DNAH9: variants seen among roughly 807,000 people sequenced by gnomAD.
The protein encoded by DNAH9 is dynein axonemal heavy chain 9.
DNAH9 carries 345 observed loss-of-function variants against 471.6 expected under a neutral mutation model. That is an observed-to-expected ratio of 0.73 (90% CI 0.67 to 0.80). The LOEUF is 0.80. DNAH9 is among the 30% of genes least tolerant of loss of function. The pLI, the probability that DNAH9 is intolerant of heterozygous loss-of-function variation, is 0.00. For missense variants in DNAH9, 5,407 were observed against 5,609.2 expected, an observed-to-expected ratio of 0.96 and a Z score of 1.15; for synonymous variants, 2,093 against 2,123.6, an observed-to-expected ratio of 0.99 and a Z score of 0.40.
chr17:11,888,330 A>C (rs752830503), intron 57 of DNAH9, among the ~76,000 whole-genome samples: 6 of 152,156 alleles, frequency 3.9e-5, no homozygotes, highest in Admixed American at 1.3e-4. Flanking sequence ...CCTCATATTT[A>C]GTTTAAGGCA....
intron 52 of DNAH9, among the ~76,000 whole-genome samples, chr17:11,874,244 CAAA>C (rs770328921): frequency 2.8e-5 from 3 of 106,444 alleles, no homozygotes; most frequent in Admixed American, 2.1e-4. Context: ...GATTCCATCT[CAAA>C]AAAAAAAAAA....
At chr17:11,813,134 A>T (rs774718347) in intron 45 of DNAH9, among the ~76,000 whole-genome samples, 71 of 151,948 alleles carry the variant, frequency 4.7e-4, no homozygotes, top group Non-Finnish European at 6.8e-4. Flanking sequence ...CTTTTTTTCA[A>T]GTGCAAACGA....
intron 42 of DNAH9, among the ~76,000 whole-genome samples, chr17:11,794,669 C>T (rs1266586938): frequency 1.3e-5 from 2 of 152,186 alleles, no homozygotes; most frequent in African/African-American, 4.8e-5. Flanking sequence ...CACAACCCAG[C>T]TGGGGTCTGA....
Position 11,874,944 on chromosome 17 carries a change from A to G in DNAH9, c.10243-5A>G, listed in dbSNP as rs1054083943. The G allele has an allele frequency of 6.2e-7, 1 of 1,609,360 alleles. No individual in the cohort carries two copies. Among genetic ancestry groups the G allele is most frequent in the Non-Finnish European group, 8.5e-7 (1 of 1,176,052 alleles). ...GAGCGTGGGGTGGTGTTTCTTCTTC[A>G]CCAGACTCCCATTCCAGTCACCCCA... On this transcript the variant is annotated splice_region_variant and splice_polypyrimidine_tract_variant and intron_variant, in intron 52 of 68. Transcript: ENST00000262442.
chr17:11,694,482 A>C, intron 22 of DNAH9, 35 bp downstream of exon 22: 1 of 1,612,312 alleles, frequency 6.2e-7, no homozygotes, highest in Non-Finnish European at 8.5e-7. Context: ...AAGGTCTAGG[A>C]GGGCTGAGGG....
At chr17:11,767,631 A>G (rs1335546785) in intron 36 of DNAH9, among the ~76,000 whole-genome samples, 1 of 151,706 alleles carries the variant, frequency 6.6e-6, no homozygotes, top group Non-Finnish European at 1.5e-5. Flanking sequence ...TTCTTAGTTC[A>G]GTGTGTTTAA....
At chr17:11,879,356 CTCT>C (rs1332450242) in intron 53 of DNAH9, among the ~76,000 whole-genome samples, 1 of 152,016 alleles carries the variant, frequency 6.6e-6, no homozygotes, top group Non-Finnish European at 1.5e-5. Context: ...TGACTCCCTC[CTCT>C]TCTTCTTTAT....
chr17:11,843,890 T>TATAC (rs1389217941), intron 49 of DNAH9, among the ~76,000 whole-genome samples: 4 of 127,230 alleles, frequency 3.1e-5, no homozygotes, highest in African/African-American at 9.3e-5. Flanking sequence ...TATATATATA[T>TATAC]ACACATAGAG....
At chr17:11,952,347 C>G (rs1975411944) in intron 67 of DNAH9, among the ~76,000 whole-genome samples, 1 of 120,550 alleles carries the variant, frequency 8.3e-6, no homozygotes, top group Non-Finnish European at 1.6e-5. Flanking sequence ...TGGTAGATAC[C>G]AGGCCTCACT....
At chr17:11,699,632 T>C in intron 22 of DNAH9, 99 bp from the exon 23 acceptor site, 1 of 1,059,668 alleles carries the variant, frequency 9.4e-7, no homozygotes, top group Non-Finnish European at 1.4e-6. Flanking sequence ...CACCACTCTG[T>C]CTTTCACAAT....
At chr17:11,953,025 G>A (rs1032912618) in intron 67 of DNAH9, among the ~76,000 whole-genome samples, 1 of 152,168 alleles carries the variant, frequency 6.6e-6, no homozygotes, top group African/African-American at 2.4e-5. Context: ...GAGACTGAGA[G>A]ATTTCTTCCT....
At chr17:11,814,874 C>A (rs1288019212) in intron 45 of DNAH9, among the ~76,000 whole-genome samples, 1 of 152,130 alleles carries the variant, frequency 6.6e-6, no homozygotes, top group African/African-American at 2.4e-5. Context: ...GGATTGTTCT[C>A]CTCTGGTGGC....
chr17:11,923,734 G>A (rs1567553857), intron 61 of DNAH9, 80 bp from the exon 62 acceptor site: 3 of 1,558,846 alleles, frequency 1.9e-6, no homozygotes, highest in South Asian at 1.2e-5. Context: ...GGTGATCTGA[G>A]CGTGTGCATT....
chr17:11,839,372 C>T lies in DNAH9; in HGVS notation c.9507+4474C>T, dbSNP rs555432107. ...TCTACTAAAAATACAAAAAATTAGC[C>T]GGGCACGGTGGCAGGCGCCTGTAGT... On this transcript the variant is annotated intron_variant, in intron 49 of 68. Coordinates refer to ENST00000262442, the MANE Select transcript of DNAH9 (RefSeq NM_001372.4). Among the ~76,000 whole-genome samples, 16 of 151,698 alleles carry T rather than the reference C, an allele frequency of 1.1e-4. No individual in the cohort carries two copies. In the East Asian group the frequency reaches 2.1e-3, roughly 20 times the overall value.
rs201432462 is a variant in DNAH9 at position 11,694,601 on chromosome 17, GCTTT to G, written c.4872+158_4872+161del. Reference sequence around the variant, plus strand: ...CCCCAGCATCATCACATACCTCGGAGCTTTCTTGCTTTCTTGCTTTCTTGCTTTC... The same window carrying G: ...CCCCAGCATCATCACATACCTCGGAGCTTGCTTTCTTGCTTTCTTGCTTTC... On this transcript the variant is annotated intron_variant, in intron 22 of 68. Coordinates refer to ENST00000262442, the MANE Select transcript of DNAH9 (RefSeq NM_001372.4). Among the ~76,000 whole-genome samples, 360 of 29,526 alleles carry G rather than the reference GCTTT, an allele frequency of 0.012. 112 individuals are homozygous for G. The East Asian group carries it at 0.14, about 12-fold the overall frequency. 19.4% of individuals were successfully genotyped at this position (29,526 alleles called of 152,430 possible).
intron 32 of DNAH9, 152 bp downstream of exon 32, chr17:11,747,918 A>C: frequency 1.4e-6 from 1 of 697,848 alleles, no homozygotes; most frequent in Non-Finnish European, 2.4e-6. Flanking sequence ...GAAAGGGAGA[A>C]ACCAATTTTG....
chr17:11,827,934 C>A (rs533111357), intron 48 of DNAH9, among the ~76,000 whole-genome samples: 44 of 152,224 alleles, frequency 2.9e-4, no homozygotes, highest in Admixed American at 6.5e-4. Flanking sequence ...GATCCACGTC[C>A]TTGGTTCTTT....
chr17:11,635,143 C>G (rs1226183552), intron 8 of DNAH9, among the ~76,000 whole-genome samples: 2 of 151,884 alleles, frequency 1.3e-5, no homozygotes, highest in Non-Finnish European at 1.5e-5. Flanking sequence ...GTCACACACT[C>G]TTTTTCATTT....
At position 11,833,757 on chromosome 17, in the gene DNAH9, A is replaced by C. The variant is rs976097714; in HGVS notation, c.9247-881A>C. The stretch of plus-strand genomic sequence containing the variant: ...TATTGTAGAAAAAGGGTTGGTTCCT[A>C]AGCAGGTTGCTTCAGATTATGGATC... On this transcript the variant is annotated intron_variant, in intron 48 of 68. Transcript: ENST00000262442. 3.9e-5 allele frequency among the ~76,000 whole-genome samples: 6 copies of C among 152,156 alleles called. No homozygotes were observed. In the South Asian group the frequency reaches 6.2e-4, roughly 16 times the overall value.
Sources: allele counts gnomAD v4.1 joint callset (sites outside exome capture counted in the v4.1 genomes callset), GRCh38; gene constraint gnomAD v4.1.1; transcripts MANE v1.5; gene names NCBI Gene and HGNC (gene_info 2026-07-23, HGNC 2026-07-21).